Variants in PRKAG2 observed in about 807,000 individuals in gnomAD.
PRKAG2 encodes the protein 5'-AMP-activated protein kinase subunit gamma-2.
Under a neutral mutation model 69.6 loss-of-function variants are expected in PRKAG2, and 26 were observed. The observed-to-expected ratio is 0.37, with a 90% CI of 0.27 to 0.52. The LOEUF is 0.52. Ranked by LOEUF, PRKAG2 falls within the 20% of genes least tolerant of loss-of-function variation. The pLI, the probability that PRKAG2 is intolerant of heterozygous loss-of-function variation, is 0.90. For synonymous variants in PRKAG2, 293 were observed against 285.0 expected (o/e 1.03, Z -0.28); for missense variants, 557 against 740.0 (o/e 0.75, Z 2.87).
At chr7:151,724,312 CCAGA>C (rs1171603667) in intron 3 of PRKAG2, among the ~76,000 whole-genome samples, 2 of 152,160 alleles carry the variant, frequency 1.3e-5, no homozygotes, top group Non-Finnish European at 2.9e-5. Flanking sequence ...ACAGACACAG[CCAGA>C]CAGACTGCAG....
intron 15 of PRKAG2, chr7:151,557,800 G>T (rs1382096127): frequency 3.0e-6 from 2 of 660,932 alleles, no homozygotes; most frequent in African/African-American, 3.9e-5. Context: ...AATCCGGGAG[G>T]TGGAGGTTGC....
At chr7:151,819,429 C>T (rs866219316) in intron 1 of PRKAG2, among the ~76,000 whole-genome samples, 1 of 152,222 alleles carries the variant, frequency 6.6e-6, no homozygotes, top group South Asian at 2.1e-4. Flanking sequence ...CAGCCTCACC[C>T]ACCTCCAGTC....
intron 5 of PRKAG2, among the ~76,000 whole-genome samples, chr7:151,620,323 TTTTC>T (rs1317429782): frequency 1.3e-5 from 2 of 151,894 alleles, no homozygotes; most frequent in Non-Finnish European, 2.9e-5. Flanking sequence ...AATTTCTTCT[TTTTC>T]TTTCTCTCTC....
chr7:151,739,519 G>T (rs2073720471), intron 3 of PRKAG2, among the ~76,000 whole-genome samples: 1 of 151,590 alleles, frequency 6.6e-6, no homozygotes, highest in Non-Finnish European at 1.5e-5. Flanking sequence ...GCCCAGGCTG[G>T]AGTGCAATGG....
At chr7:151,813,492 G>GAAAA (rs35161942) in intron 1 of PRKAG2, among the ~76,000 whole-genome samples, 2,503 of 137,890 alleles carry the variant, frequency 0.018, 73 homozygotes, top group African/African-American at 0.06. Context: ...CGATTGTAAG[G>GAAAA]AAAAAAAAAA....
intron 4 of PRKAG2, among the ~76,000 whole-genome samples, chr7:151,668,807 G>T (rs201559172): frequency 6.6e-6 from 1 of 152,136 alleles, no homozygotes; most frequent in Non-Finnish European, 1.5e-5. Flanking sequence ...GGTTCCTTCC[G>T]AGAGCACTCC....
chr7:151,749,740 A>C (rs951152157), intron 3 of PRKAG2, among the ~76,000 whole-genome samples: 5 of 152,014 alleles, frequency 3.3e-5, no homozygotes, highest in African/African-American at 1.2e-4. Context: ...CTGCAAATCA[A>C]AACAGCAATG....
chr7:151,800,798 T>A (rs74602755), intron 1 of PRKAG2, among the ~76,000 whole-genome samples: 1 of 152,142 alleles, frequency 6.6e-6, no homozygotes, highest in African/African-American at 2.4e-5. Context: ...ACCCACAGAA[T>A]GTACACCACC....
intron 3 of PRKAG2, among the ~76,000 whole-genome samples, chr7:151,742,448 A>G (rs966493438): frequency 2.6e-5 from 4 of 151,864 alleles, no homozygotes; most frequent in African/African-American, 7.3e-5. Context: ...ACATGGTGAA[A>G]CCCCGTCTCT....
At chr7:151,830,608 C>A (rs2079001354) in intron 1 of PRKAG2, among the ~76,000 whole-genome samples, 1 of 151,892 alleles carries the variant, frequency 6.6e-6, no homozygotes, top group Non-Finnish European at 1.5e-5. Context: ...CCATCTGTGC[C>A]TCCCCGGCCC....
chr7:151,677,393 T>C (rs912949341), intron 3 of PRKAG2, among the ~76,000 whole-genome samples: 1 of 152,188 alleles, frequency 6.6e-6, no homozygotes, highest in African/African-American at 2.4e-5. Context: ...GGTTTCACCA[T>C]GTTGGGCAAG....
intron 1 of PRKAG2, among the ~76,000 whole-genome samples, chr7:151,811,874 C>G (rs556285662): frequency 6.6e-6 from 1 of 152,336 alleles, no homozygotes; most frequent in Non-Finnish European, 1.5e-5. Context: ...GGAGGGACAA[C>G]TTTGGAGTTG....
chr7:151,673,838 CTTT>C (rs57744338), intron 4 of PRKAG2, among the ~76,000 whole-genome samples: 990 of 87,576 alleles, frequency 0.011, 13 homozygotes, highest in African/African-American at 0.042. Flanking sequence ...AGCTTGTGTT[CTTT>C]TTTTTTTTTT....
rs1001781714 is a variant in PRKAG2 at position 151,876,677 on chromosome 7, C to A, written c.-57G>T. On this transcript the variant is annotated 5_prime_UTR_variant, in exon 1 of 16. Coordinates refer to ENST00000287878, the MANE Select transcript of PRKAG2 (RefSeq NM_016203.4). The stretch of plus-strand genomic sequence containing the variant: ...CCTCGGGGGTTCGGTCCCCTCCTTC[C>A]CTCCCCCGGCCGCTGCCTTCGGACT... 3.3e-6 allele frequency: 5 copies of A among 1,522,318 alleles called. No homozygotes were observed. In the African/African-American group the frequency reaches 4.1e-5, roughly 12 times the overall value. The allele number at this position is 1,522,318 out of a possible 1,614,324, so 94.3% of individuals were successfully genotyped here.
At chr7:151,729,351 A>G (rs1489024576) in intron 3 of PRKAG2, among the ~76,000 whole-genome samples, 1 of 149,600 alleles carries the variant, frequency 6.7e-6, no homozygotes, top group Non-Finnish European at 1.5e-5. Flanking sequence ...GGACACATCC[A>G]GCAGAACAAT....
At position 151,632,046 on chromosome 7, in the gene PRKAG2, G is replaced by A. The variant is rs769605639; in HGVS notation, c.754+23C>T. ...GGCCGGGCCGTGGGAGCGCCGGGCC[G>A]GCAGCGGGCGGGGCGCACTCACCTT... is the stretch of plus-strand genomic sequence containing the variant. On this transcript the variant is annotated intron_variant, in intron 5 of 15. Transcript: ENST00000287878. The surrounding 1 kb of genome is among the most constrained non-coding windows in gnomAD (Gnocchi z 4.2). 29 of 1,348,566 alleles carry A rather than the reference G, an allele frequency of 2.2e-5. No individual in the cohort carries two copies. The highest frequency in any genetic ancestry group is 5.8e-6 in the Non-Finnish European group (6 of 1,037,658). The allele number at this position is 1,348,566 out of a possible 1,614,324, so 83.5% of individuals were successfully genotyped here. A position where few individuals can be genotyped will look rare whatever the true frequency, so the allele number is the denominator to read the frequency against.
chr7:151,815,961 T>G (rs551974397), intron 1 of PRKAG2, among the ~76,000 whole-genome samples: 1 of 152,282 alleles, frequency 6.6e-6, no homozygotes, highest in South Asian at 2.1e-4. Context: ...AGGCTATGAT[T>G]TAGTGGGCAA....
chr7:151,557,653 T>C, intron 15 of PRKAG2: 1 of 706,644 alleles, frequency 1.4e-6, no homozygotes, highest in Non-Finnish European at 1.7e-6. Context: ...GCGGATCACC[T>C]GAGATCAGGA....
rs1379729328 is a variant in PRKAG2 at position 151,841,504 on chromosome 7, GGATGGTAGT to G, written c.114+34994_114+35002del. Reference sequence around the variant, plus strand: ...TGATGATGGTAGTGATGGTAGGTTGGGATGGTAGTGATGGTAGGGATGGTAGGGATGGTA... The same window carrying G: ...TGATGATGGTAGTGATGGTAGGTTGGGATGGTAGGGATGGTAGGGATGGTA... On this transcript the variant is annotated intron_variant, in intron 1 of 15. Transcript: ENST00000287878. Among the ~76,000 whole-genome samples, 4 of 148,364 alleles carry G rather than the reference GGATGGTAGT, an allele frequency of 2.7e-5. No individual in the cohort carries two copies. In the East Asian group the frequency reaches 6.2e-4, roughly 23 times the overall value.
Sources: gnomAD v4.1 joint callset for allele counts (sites outside exome capture counted in the v4.1 genomes callset) on GRCh38, gnomAD v4.1.1 for gene constraint, Gnocchi (gnomAD v3.1) non-coding constraint, MANE v1.5 for transcripts, NCBI Gene and HGNC (gene_info 2026-07-23, HGNC 2026-07-21) for gene names.